Variants in GRB7 observed in about 807,000 individuals in gnomAD.
The protein encoded by GRB7 is growth factor receptor bound protein 7, also known as growth factor receptor-bound protein 7.
GRB7 carries 47 observed loss-of-function variants against 64.1 expected under a neutral mutation model. The observed-to-expected ratio is 0.73, with a 90% CI of 0.58 to 0.94. The LOEUF (loss-of-function observed/expected upper bound fraction) is 0.94. Among genes scored for constraint, GRB7 ranks in the 40% least tolerant of loss-of-function variants. The pLI is 0.00. For synonymous variants in GRB7, 277 were observed against 279.9 expected (o/e 0.99, Z 0.10); for missense variants, 634 against 718.4 (o/e 0.88, Z 1.34).
intron 14 of GRB7, 38 bp from the exon 15 acceptor site, chr17:39,746,712 GC>G: frequency 6.2e-7 from 1 of 1,602,286 alleles, no homozygotes; most frequent in Non-Finnish European, 8.5e-7. Flanking sequence ...CAAGCCTCGG[GC>G]CCCTCCCTGA....
At chr17:39,738,770 C>A in intron 1 of GRB7, 1 of 766,118 alleles carries the variant, frequency 1.3e-6, no homozygotes, top group Non-Finnish European at 2.0e-6. Flanking sequence ...ACAGACGTCT[C>A]TGCGGGCTGC....
intron 6 of GRB7, 123 bp downstream of exon 6, chr17:39,743,593 G>T: frequency 1.3e-6 from 1 of 775,916 alleles, no homozygotes; most frequent in South Asian, 1.5e-5. Context: ...AGTCCTGTGT[G>T]ACTGGGGACA....
chr17:39,744,733 C>T (rs913785253), intron 8 of GRB7, 70 bp downstream of exon 8: 34 of 1,411,608 alleles, frequency 2.4e-5, no homozygotes, highest in Admixed American at 3.9e-5. Flanking sequence ...GGATCCTGCC[C>T]GGGGCTTCTG....
intron 11 of GRB7, 42 bp from the exon 12 acceptor site, chr17:39,745,686 C>CA: frequency 6.2e-7 from 1 of 1,606,774 alleles, no homozygotes; most frequent in Non-Finnish European, 8.5e-7. Flanking sequence ...GTAATGCCCC[C>CA]AAGCACGCCC....
In GRB7 at chr17:39,745,851, G is replaced by A. The variant is rs2060041016; in HGVS notation, c.1271-62G>A. 6 of 1,612,256 alleles carry A rather than the reference G, an allele frequency of 3.7e-6. No homozygotes were observed. In the Admixed American group the frequency reaches 8.3e-5, roughly 22 times the overall value. ...TCAACTTCTCTTTGTATTCCCAGTG[G>A]GGAGTAGATGGTATAGGGGTCCCCT... On this transcript the variant is annotated intron_variant, in intron 12 of 14. Coordinates refer to ENST00000309156, the MANE Select transcript of GRB7 (RefSeq NM_005310.5).
chr17:39,740,994 G>C (rs149443353), intron 1 of GRB7, among the ~76,000 whole-genome samples: 9 of 152,136 alleles, frequency 5.9e-5, no homozygotes, highest in African/African-American at 2.2e-4. Context: ...GTCTCAGCCC[G>C]GCCAAAGGGG....
chr17:39,743,140 T>C (rs1424773309), intron 4 of GRB7, 40 bp from the exon 5 acceptor site: 2 of 1,609,030 alleles, frequency 1.2e-6, no homozygotes. Context: ...GGAGATCTGG[T>C]TGATCTCCAA....
rs138442612 is a variant in GRB7 at position 39,744,174 on chromosome 17, T to C, written c.768T>C (p.Ser256=). 43 of 1,614,094 alleles carry C rather than the reference T, an allele frequency of 2.7e-5. No homozygotes were observed. The African/African-American group carries it at 5.2e-4, about 20-fold the overall frequency. The change falls in exon 7 of 15, where the codon TCT becomes TCC. Residue 256 remains serine (S), a synonymous_variant. Coordinates refer to ENST00000309156, the MANE Select transcript of GRB7 (RefSeq NM_005310.5). ...WKRFFCFLRR[S]GLYYSTKGTS... Reference sequence around the variant, plus strand: ...GCTTTTTCTGCTTCTTGCGCCGATCTGGCCTCTATTACTCCACCAAGGGCA... The same window carrying C: ...GCTTTTTCTGCTTCTTGCGCCGATCCGGCCTCTATTACTCCACCAAGGGCA...
intron 9 of GRB7, 127 bp downstream of exon 9, chr17:39,745,111 G>A: frequency 1.9e-6 from 2 of 1,066,084 alleles, no homozygotes; most frequent in Non-Finnish European, 2.8e-6. Flanking sequence ...GTCCAAGCCT[G>A]AAGTTATAGG....
intron 13 of GRB7, 46 bp downstream of exon 13, chr17:39,746,046 G>A (rs2060043152): frequency 3.1e-6 from 5 of 1,611,862 alleles, no homozygotes; most frequent in Non-Finnish European, 4.2e-6. Context: ...AGAGAGACTG[G>A]GGTCCAGGTG....
chr17:39,745,358 G>T lies in GRB7; in HGVS notation c.1092+35G>T. ...CCCAAGGGGATGGGAGGGTGGGTAT[G>T]CAGGCCCTGTCTTACGGGTACCTGG... is the stretch of plus-strand genomic sequence containing the variant. On this transcript the variant is annotated intron_variant, in intron 10 of 14. Coordinates refer to ENST00000309156, the MANE Select transcript of GRB7 (RefSeq NM_005310.5). The T allele has an allele frequency of 1.9e-6, 3 of 1,605,218 alleles. No individual in the cohort carries two copies. In the South Asian group the frequency reaches 3.3e-5, roughly 18 times the overall value.
chr17:39,743,562 T>A, intron 6 of GRB7, 92 bp downstream of exon 6: 1 of 1,020,946 alleles, frequency 9.8e-7, no homozygotes, highest in South Asian at 1.3e-5. Context: ...CCCCTCTATG[T>A]TGTAGAAAGA....
In GRB7 at chr17:39,745,003, C is replaced by CA; in HGVS notation, c.1011+20dup. On this transcript the variant is annotated intron_variant, in intron 9 of 14. Transcript: ENST00000309156. ...CTTCAAGGTGAGACCCTGGGAGTGG[C>CA]ATGGGGGGCTGGCCTGGCCAGAGGG... is the stretch of plus-strand genomic sequence containing the variant. 6.3e-7 allele frequency: 1 copy of CA among 1,596,162 alleles called. No homozygotes were observed. The highest frequency in any genetic ancestry group is 1.1e-5 in the South Asian group (1 of 90,510).
Position 39,744,307 on chromosome 17 carries a change from C to A in GRB7, c.801+100C>A, listed in dbSNP as rs984000239. 11 of 1,398,844 alleles carry A rather than the reference C, an allele frequency of 7.9e-6. No individual in the cohort carries two copies. The African/African-American group carries it at 1.4e-4, about 18-fold the overall frequency. The allele number at this position is 1,398,844 out of a possible 1,614,324, so 86.7% of individuals were successfully genotyped here. On this transcript the variant is annotated intron_variant, in intron 7 of 14. Coordinates refer to ENST00000309156, the MANE Select transcript of GRB7 (RefSeq NM_005310.5). ...ACCTCTGAGCCCTTCTCCCCCTGGG[C>A]CCCCCAGGCCAGCCACCTCCAGTTT...
intron 1 of GRB7, among the ~76,000 whole-genome samples, chr17:39,740,914 C>G (rs746322977): frequency 6.6e-6 from 1 of 152,160 alleles, no homozygotes; most frequent in Non-Finnish European, 1.5e-5. Context: ...CCAGGTGCCC[C>G]AGGTGGCCTC....
rs956620460 is a variant in GRB7 at position 39,743,940 on chromosome 17, C to T, written c.664-130C>T. The stretch of plus-strand genomic sequence containing the variant: ...CTCGGGAGGTCGAGGTTGCAGTGAG[C>T]TGTGATCGTGCCACCGCACTAGCAT... On this transcript the variant is annotated intron_variant, in intron 6 of 14. Coordinates refer to ENST00000309156, the MANE Select transcript of GRB7 (RefSeq NM_005310.5). The T allele has an allele frequency of 1.9e-5, 22 of 1,179,114 alleles. No homozygotes were observed. In the African/African-American group the frequency reaches 3.1e-4, roughly 17 times the overall value. The allele number at this position is 1,179,114 out of a possible 1,614,324, so 73.0% of individuals were successfully genotyped here.
chr17:39,742,851 A>G (rs772689882), intron 3 of GRB7, 47 bp from the exon 4 acceptor site: 2 of 1,544,218 alleles, frequency 1.3e-6, no homozygotes, highest in Non-Finnish European at 1.8e-6. Context: ...AAGGGAATGA[A>G]TCACCCTTTG....
rs745770638 is a variant in GRB7, at chr17:39,745,239, C to T, written c.1012-4C>T. The T allele has an allele frequency of 6.3e-7, 1 of 1,596,416 alleles. No homozygotes were observed. Among genetic ancestry groups the T allele is most frequent in the Admixed American group, 1.7e-5 (1 of 58,250 alleles). On this transcript the variant is annotated splice_polypyrimidine_tract_variant and splice_region_variant and intron_variant, in intron 9 of 14. Coordinates refer to ENST00000309156, the MANE Select transcript of GRB7 (RefSeq NM_005310.5). ...TCAAGCTCTCTTTCTCTCCCCACCC[C>T]CAGTACGGGGTGCAGCTGTACAAGA...
Position 39,746,947 on chromosome 17 carries a change from G to A in GRB7, c.*50G>A, listed in dbSNP as rs373769626. The A allele has an allele frequency of 1.2e-5, 18 of 1,562,916 alleles. No homozygotes were observed. Among genetic ancestry groups the A allele is most frequent in the South Asian group, 3.4e-5 (3 of 87,290 alleles). On this transcript the variant is annotated 3_prime_UTR_variant, in exon 15 of 15. Transcript: ENST00000309156. The stretch of plus-strand genomic sequence containing the variant: ...TCAGCCCGCCTTCAGGCTGCCCGCC[G>A]CCCCTCCACCCATCCAGTGGACTCT...
Sources: allele counts gnomAD v4.1 joint callset (sites outside exome capture counted in the v4.1 genomes callset), GRCh38; gene constraint gnomAD v4.1.1; transcripts MANE v1.5; gene names NCBI Gene and HGNC (gene_info 2026-07-23, HGNC 2026-07-21).